Variants in GFPT1 observed in about 807,000 individuals in gnomAD.
GFPT1 encodes glutamine--fructose-6-phosphate aminotransferase [isomerizing] 1.
GFPT1 carries 40 observed loss-of-function variants against 92.0 expected under a neutral mutation model. The observed-to-expected ratio is 0.43, with a 90% confidence interval of 0.34 to 0.57. GFPT1 has a LOEUF of 0.57. Ranked by LOEUF, GFPT1 falls within the 20% of genes least tolerant of loss-of-function variation. The pLI is 0.02. For missense variants in GFPT1, 448 were observed against 869.1 expected, an observed-to-expected ratio of 0.52 and a Z score of 6.09; for synonymous variants, 269 against 280.6, an observed-to-expected ratio of 0.96 and a Z score of 0.41.
At chr2:69,379,000 C>A (rs959125659) in intron 1 of GFPT1, among the ~76,000 whole-genome samples, 1 of 152,170 alleles carries the variant, frequency 6.6e-6, no homozygotes, top group Admixed American at 6.5e-5. Context: ...GTAATCCCAG[C>A]ACTGTGGGAA....
chr2:69,358,465 T>C lies in GFPT1; in HGVS notation c.409-2A>G. 1 of 1,594,464 alleles carries C rather than the reference T, an allele frequency of 6.3e-7. No homozygotes were observed. Among genetic ancestry groups the C allele is most frequent in the Non-Finnish European group, 8.6e-7 (1 of 1,163,228 alleles). On this transcript the variant is annotated splice_acceptor_variant, in intron 5 of 19. Transcript: ENST00000357308. LOFTEE classifies it high-confidence loss of function. ...TTCGAAGTCATAGCCTTTGCTTTCC[T>C]GTAAGTAGAAAGAAAAAAAAGATAC...
In GFPT1 at chr2:69,362,274, G is replaced by A. The variant is rs373188432; in HGVS notation, c.349+1271C>T. On this transcript the variant is annotated intron_variant, in intron 4 of 19. Transcript: ENST00000357308. The stretch of plus-strand genomic sequence containing the variant: ...CTCCTGAGTAGCTGGGACTATGGGC[G>A]CATGCCACCATCAAGCTAATTTTTG... Among the ~76,000 whole-genome samples the A allele has an allele frequency of 3.9e-5, 6 of 152,006 alleles. No homozygotes were observed. In the South Asian group the frequency reaches 1.2e-3, roughly 32 times the overall value.
At chr2:69,326,337 C>T (rs1670531900) in intron 19 of GFPT1, 104 bp from the exon 20 acceptor site, 5 of 710,722 alleles carry the variant, frequency 7.0e-6, no homozygotes, top group Non-Finnish European at 1.2e-5. Context: ...AAACAGAAAA[C>T]AATACATTCA....
At chr2:69,328,909 G>T (rs1274860126) in intron 17 of GFPT1, among the ~76,000 whole-genome samples, 1 of 151,930 alleles carries the variant, frequency 6.6e-6, no homozygotes, top group African/African-American at 2.4e-5. Flanking sequence ...CACCACGTTG[G>T]CCAGGCTGGT....
rs891607360 is a variant in GFPT1 at position 69,332,033 on chromosome 2, TCTTA to T, written c.1483-2239_1483-2236del. Among the ~76,000 whole-genome samples the T allele has an allele frequency of 6.6e-5, 10 of 152,316 alleles. No homozygotes were observed. In the South Asian group the frequency reaches 8.3e-4, roughly 13 times the overall value. ...ACATAAACTAAGTATTATTAAATTT[TCTTA>T]CTTCTTTTGTTTTCACTGTTCCTTT... On this transcript the variant is annotated intron_variant, in intron 15 of 19. Coordinates refer to ENST00000357308, the MANE Select transcript of GFPT1 (RefSeq NM_001244710.2).
chr2:69,329,704 A>C lies in GFPT1; in HGVS notation c.1577T>G (p.Leu526Arg), dbSNP rs1389915942. 6.2e-7 allele frequency: 1 copy of C among 1,611,030 alleles called. No individual in the cohort carries two copies. Among genetic ancestry groups the C allele is most frequent in the East Asian group, 2.2e-5 (1 of 44,852 alleles). Residue 526 changes from leucine (L) to arginine (R), a missense_variant, in exon 16 of 20, where the codon CTT (leucine) becomes CGT (arginine). Leu to Arg is a moderately radical substitution (Grantham distance 102, BLOSUM62 -2). Coordinates refer to ENST00000357308, the MANE Select transcript of GFPT1 (RefSeq NM_001244710.2). ...TGTACCAGGCAGCCGTTTCAATCCA[A>C]GCATGATCTCTTTGCGTCTTTCTTG... Reference protein sequence around the residue: ...SMQERRKEIMLGLKRLPDLIK... With the variant: ...SMQERRKEIMRGLKRLPDLIK...
chr2:69,338,892 C>T (rs902786146), intron 13 of GFPT1, among the ~76,000 whole-genome samples: 4 of 151,086 alleles, frequency 2.6e-5, no homozygotes, highest in Admixed American at 6.6e-5. Flanking sequence ...CTCCGCCTCC[C>T]GGGTTCAAGC....
At chr2:69,373,722 T>C (rs1160166802) in intron 2 of GFPT1, among the ~76,000 whole-genome samples, 1 of 152,210 alleles carries the variant, frequency 6.6e-6, no homozygotes, top group Non-Finnish European at 1.5e-5. Context: ...GAAAAAAGAA[T>C]TTAGAGTAAG....
At chr2:69,355,846 A>T (rs1163557071) in intron 7 of GFPT1, among the ~76,000 whole-genome samples, 1 of 152,200 alleles carries the variant, frequency 6.6e-6, no homozygotes, top group African/African-American at 2.4e-5. Context: ...TCTGTCTAGA[A>T]TATATGTTTC....
chr2:69,339,548 C>G (rs1280054756), intron 13 of GFPT1, among the ~76,000 whole-genome samples: 1 of 152,190 alleles, frequency 6.6e-6, no homozygotes, highest in African/African-American at 2.4e-5. Context: ...TTAAGCTCAA[C>G]CAATGTATAC....
At chr2:69,369,381 T>A (rs1265379955) in intron 3 of GFPT1, among the ~76,000 whole-genome samples, 1 of 152,214 alleles carries the variant, frequency 6.6e-6, no homozygotes, top group Non-Finnish European at 1.5e-5. Flanking sequence ...AAATATTTTT[T>A]CAATCAATCT....
chr2:69,348,454 A>C, intron 10 of GFPT1, 120 bp from the exon 11 acceptor site: 51 of 841,404 alleles, frequency 6.1e-5, no homozygotes, highest in Non-Finnish European at 8.0e-5. Context: ...GCAGTATCTC[A>C]GAGAATTTTC....
At chr2:69,365,333 G>A (rs970090804) in intron 3 of GFPT1, among the ~76,000 whole-genome samples, 3 of 152,066 alleles carry the variant, frequency 2.0e-5, no homozygotes, top group African/African-American at 4.8e-5. Flanking sequence ...TTAGCTGGGC[G>A]TGGTAGCACA....
At position 69,354,349 on chromosome 2, in the gene GFPT1, G is replaced by C. The variant is rs762876983; in HGVS notation, c.686-37C>G. The stretch of plus-strand genomic sequence containing the variant: ...CAACAGAAAAAAATTCTAATCATCA[G>C]AGAACTCACAAAAACAAATCTTTTT... On this transcript the variant is annotated intron_variant, in intron 8 of 19. Coordinates refer to ENST00000357308, the MANE Select transcript of GFPT1 (RefSeq NM_001244710.2). 6 of 1,528,536 alleles carry C rather than the reference G, an allele frequency of 3.9e-6. No homozygotes were observed. In the South Asian group the frequency reaches 6.7e-5, roughly 17 times the overall value. 94.7% of individuals were successfully genotyped at this position (1,528,536 alleles called of 1,614,324 possible). A position where few individuals can be genotyped will look rare whatever the true frequency, so the allele number is the denominator to read the frequency against.
chr2:69,357,413 G>A (rs74699775), intron 6 of GFPT1, among the ~76,000 whole-genome samples: 1,736 of 152,254 alleles, frequency 0.011, 30 homozygotes, highest in African/African-American at 0.039. Context: ...GATAAAAGAG[G>A]AACATGAAGT....
chr2:69,362,756 C>T (rs931532005), intron 4 of GFPT1, among the ~76,000 whole-genome samples: 4 of 151,914 alleles, frequency 2.6e-5, no homozygotes, highest in Admixed American at 2.6e-4. Context: ...GATATCGCAC[C>T]ACTGCACTCC....
At chr2:69,379,065 C>A (rs917743145) in intron 1 of GFPT1, among the ~76,000 whole-genome samples, 22 of 152,028 alleles carry the variant, frequency 1.4e-4, no homozygotes, top group African/African-American at 4.8e-5. Context: ...GGCAACATAC[C>A]AAGACCCTGT....
At chr2:69,368,899 CTCT>C (rs1415191752) in intron 3 of GFPT1, among the ~76,000 whole-genome samples, 2 of 152,192 alleles carry the variant, frequency 1.3e-5, no homozygotes, top group South Asian at 2.1e-4. Flanking sequence ...CCTGCCATTA[CTCT>C]TCTTATCTTG....
chr2:69,337,214 T>C (rs781041866), intron 15 of GFPT1, among the ~76,000 whole-genome samples: 20 of 151,902 alleles, frequency 1.3e-4, no homozygotes, highest in Non-Finnish European at 2.6e-4. Context: ...TACAGGCACG[T>C]GCTACCACAC....
Sources: gnomAD v4.1 joint callset for allele counts (sites outside exome capture counted in the v4.1 genomes callset) on GRCh38, gnomAD v4.1.1 for gene constraint, MANE v1.5 for transcripts, NCBI Gene and HGNC (gene_info 2026-07-23, HGNC 2026-07-21) for gene names.